The following DCC variants were observed in gnomAD, a reference collection of about 807,000 sequenced individuals.
DCC encodes the protein DCC netrin 1 receptor.
A neutral mutation model predicts 172.5 loss-of-function variants in DCC; 58 were observed. The ratio of observed to expected loss-of-function variants is 0.34; its 90% confidence interval spans 0.27 to 0.42. The LOEUF (loss-of-function observed/expected upper bound fraction) is 0.42. Among genes scored for constraint, DCC ranks in the 10% least tolerant of loss-of-function variants. The pLI is 1.00. For synonymous variants in DCC, 709 were observed against 644.5 expected (o/e 1.10, Z -1.52); for missense variants, 1,740 against 1,791.0 (o/e 0.97, Z 0.51).
intron 7 of DCC, among the ~76,000 whole-genome samples, chr18:53,121,014 C>T (rs528376303): frequency 6.6e-6 from 1 of 151,894 alleles, no homozygotes; most frequent in East Asian, 1.9e-4. Context: ...TACATTTTAT[C>T]ATTAAGGAAA....
intron 1 of DCC, among the ~76,000 whole-genome samples, chr18:52,426,488 A>G (rs1371423619): frequency 6.6e-6 from 1 of 151,998 alleles, no homozygotes; most frequent in Non-Finnish European, 1.5e-5. Flanking sequence ...ATCTACACTG[A>G]AAAAGAGTCT....
At chr18:52,842,951 G>A (rs909769829) in intron 2 of DCC, among the ~76,000 whole-genome samples, 1 of 152,130 alleles carries the variant, frequency 6.6e-6, no homozygotes, top group Non-Finnish European at 1.5e-5. Context: ...CGGAGAAATC[G>A]ATCATTCTAT....
chr18:53,401,743 C>T (rs1000969738), intron 18 of DCC, among the ~76,000 whole-genome samples: 4 of 152,070 alleles, frequency 2.6e-5, no homozygotes, highest in African/African-American at 9.7e-5. Flanking sequence ...GCAAAGTTGC[C>T]GTGGATAACA....
chr18:53,258,022 A>G (rs1278937181), intron 12 of DCC, among the ~76,000 whole-genome samples: 2 of 152,004 alleles, frequency 1.3e-5, no homozygotes, highest in Non-Finnish European at 2.9e-5. Context: ...GTATTCTCTG[A>G]TGGTAGCTTG....
At chr18:53,227,239 T>A (rs57841322) in intron 12 of DCC, among the ~76,000 whole-genome samples, 10 of 151,514 alleles carry the variant, frequency 6.6e-5, no homozygotes, top group African/African-American at 2.2e-4. Context: ...AGCCACCATG[T>A]CTGGCCAATC....
intron 27 of DCC, among the ~76,000 whole-genome samples, chr18:53,504,588 C>G (rs2046146434): frequency 6.6e-6 from 1 of 152,104 alleles, no homozygotes; most frequent in African/African-American, 2.4e-5. Context: ...TCGATTTGGT[C>G]TGGTCATCCT....
intron 5 of DCC, among the ~76,000 whole-genome samples, chr18:53,016,634 A>G (rs2041810845): frequency 6.6e-6 from 1 of 152,084 alleles, no homozygotes; most frequent in Non-Finnish European, 1.5e-5. Flanking sequence ...TTAAAATTTT[A>G]ATTATTTTGT....
intron 2 of DCC, among the ~76,000 whole-genome samples, chr18:52,851,899 A>G (rs2038980448): frequency 6.6e-6 from 1 of 152,170 alleles, no homozygotes; most frequent in South Asian, 2.1e-4. Flanking sequence ...ACCAGACACC[A>G]GATAATCATC....
chr18:52,818,388 G>C (rs112834708), intron 2 of DCC, among the ~76,000 whole-genome samples: 1 of 142,822 alleles, frequency 7.0e-6, no homozygotes, highest in African/African-American at 2.7e-5. Flanking sequence ...CTCCAGCCTC[G>C]GCAACAGAAT....
At chr18:53,528,293 T>C (rs1456647696) in intron 28 of DCC, among the ~76,000 whole-genome samples, 1 of 152,170 alleles carries the variant, frequency 6.6e-6, no homozygotes, top group Non-Finnish European at 1.5e-5. Flanking sequence ...AGTGTGTCTG[T>C]AAATGTTTTG....
intron 2 of DCC, among the ~76,000 whole-genome samples, chr18:52,828,209 T>G (rs1410679591): frequency 1.3e-5 from 2 of 152,206 alleles, no homozygotes; most frequent in Non-Finnish European, 2.9e-5. Flanking sequence ...TACACAGCCA[T>G]GTCTCCTTCA....
intron 12 of DCC, among the ~76,000 whole-genome samples, chr18:53,298,527 C>CA (rs61387067): frequency 0.038 from 1,270 of 33,092 alleles, 246 homozygotes; most frequent in African/African-American, 0.067. Context: ...GACCCTGACT[C>CA]AAAAAAAAAA....
intron 1 of DCC, among the ~76,000 whole-genome samples, chr18:52,669,127 G>T (rs1197294946): frequency 6.6e-6 from 1 of 152,118 alleles, no homozygotes; most frequent in Non-Finnish European, 1.5e-5. Context: ...TGGTTAGGTA[G>T]GAAATGAAAT....
rs540131375 is a variant in DCC, at chr18:53,356,836, T to C, written c.2359+16929T>C. Among the ~76,000 whole-genome samples the C allele has an allele frequency of 3.3e-5, 5 of 152,332 alleles. No homozygotes were observed. In the East Asian group the frequency reaches 9.6e-4, roughly 29 times the overall value. On this transcript the variant is annotated intron_variant, in intron 15 of 28. Transcript: ENST00000442544. ...AAGTCACATCAGACTTTCAACTTTG[T>C]GTCTTCAATTTAGGGAAACTGCTAG...
intron 1 of DCC, among the ~76,000 whole-genome samples, chr18:52,592,073 A>C (rs1019795492): frequency 6.6e-6 from 1 of 152,184 alleles, no homozygotes; most frequent in African/African-American, 2.4e-5. Context: ...TGAATTTAAA[A>C]GTAAACATGC....
At chr18:53,041,252 A>G (rs182917107) in intron 5 of DCC, among the ~76,000 whole-genome samples, 1 of 152,100 alleles carries the variant, frequency 6.6e-6, no homozygotes, top group East Asian at 1.9e-4. Flanking sequence ...TTTTCCCAAA[A>G]CCACTTATTA....
chr18:53,393,187 T>G (rs1183213123), intron 17 of DCC, among the ~76,000 whole-genome samples: 1 of 152,280 alleles, frequency 6.6e-6, no homozygotes, highest in East Asian at 1.9e-4. Flanking sequence ...GAGCTATAGC[T>G]AAATCCCACC....
intron 2 of DCC, among the ~76,000 whole-genome samples, chr18:52,769,033 C>G (rs776226166): frequency 2.0e-5 from 3 of 152,154 alleles, no homozygotes; most frequent in Non-Finnish European, 2.9e-5. Context: ...CAATAAAATA[C>G]ATGGTAGCAA....
chr18:52,863,767 A>T (rs1043965498), intron 2 of DCC, among the ~76,000 whole-genome samples: 1 of 152,006 alleles, frequency 6.6e-6, no homozygotes, highest in African/African-American at 2.4e-5. Context: ...ATTTCATAAG[A>T]CAAATCTAGC....
Sources: gnomAD v4.1 joint callset for allele counts (sites outside exome capture counted in the v4.1 genomes callset) on GRCh38, gnomAD v4.1.1 for gene constraint, MANE v1.5 for transcripts, NCBI Gene and HGNC (gene_info 2026-07-23, HGNC 2026-07-21) for gene names.